The following DAB1 variants were observed in gnomAD, a reference collection of about 807,000 sequenced individuals.
DAB1 encodes the protein DAB adaptor protein 1.
In DAB1, 15 loss-of-function variants were observed where a neutral mutation model predicts 64.6. That is an observed-to-expected ratio of 0.23 (90% CI 0.16 to 0.36). DAB1 has a LOEUF of 0.36. Ranked by LOEUF, DAB1 falls within the 10% of genes least tolerant of loss-of-function variation. The pLI is 1.00. For missense variants in DAB1, 596 were observed against 706.7 expected (o/e 0.84, Z 1.78); for synonymous variants, 235 against 251.9 (o/e 0.93, Z 0.64).
chr1:58,467,915 GT>G, intron 3 of DAB1: 1 of 152,656 alleles, frequency 6.6e-6, no homozygotes, highest in Non-Finnish European at 1.5e-5. Flanking sequence ...TGTGTTTTTG[GT>G]TTTTTTGTTT....
intron 7 of DAB1, among the ~76,000 whole-genome samples, chr1:57,435,046 C>CTTTTTTTTTTTTTT (rs71580850): frequency 1.6e-3 from 146 of 93,098 alleles, no homozygotes; most frequent in Non-Finnish European, 1.9e-3. Context: ...TTCTTTTTTT[C>CTTTTTTTTTTTTTT]TTTTTTTTTT....
intron 5 of DAB1, among the ~76,000 whole-genome samples, chr1:57,972,894 T>C (rs1645832919): frequency 6.6e-6 from 1 of 152,244 alleles, no homozygotes; most frequent in South Asian, 2.1e-4. Context: ...CTAAGCTAGA[T>C]TCTGCATATT....
chr1:58,083,188 T>G (rs1458427116), intron 5 of DAB1, among the ~76,000 whole-genome samples: 1 of 152,174 alleles, frequency 6.6e-6, no homozygotes, highest in Non-Finnish European at 1.5e-5. Flanking sequence ...TTCTAATTTT[T>G]TCATTCCTTC....
At chr1:57,675,676 T>C (rs921893476) in intron 6 of DAB1, among the ~76,000 whole-genome samples, 2 of 152,378 alleles carry the variant, frequency 1.3e-5, no homozygotes, top group East Asian at 3.9e-4. Context: ...GCATAAATTA[T>C]ACATCTATTC....
chr1:57,030,275 T>G (rs543636303), intron 9 of DAB1, among the ~76,000 whole-genome samples: 1 of 152,360 alleles, frequency 6.6e-6, no homozygotes, highest in South Asian at 2.1e-4. Flanking sequence ...CAAGTGGAAC[T>G]GTGAATACAA....
chr1:57,855,847 T>C (rs1314809055), intron 1 of DAB1, among the ~76,000 whole-genome samples: 1 of 152,034 alleles, frequency 6.6e-6, no homozygotes. Context: ...CTTTGACTGC[T>C]CTGGAGAGAA....
intron 1 of DAB1, among the ~76,000 whole-genome samples, chr1:57,338,229 C>G (rs954903748): frequency 6.6e-6 from 1 of 152,080 alleles, no homozygotes; most frequent in South Asian, 2.1e-4. Flanking sequence ...AAGAGATCTG[C>G]CCACCTCACC....
intron 3 of DAB1, among the ~76,000 whole-genome samples, chr1:58,353,591 T>C (rs1334891801): frequency 6.6e-6 from 1 of 152,182 alleles, no homozygotes; most frequent in Non-Finnish European, 1.5e-5. Flanking sequence ...TCAAGGTCTT[T>C]GTAGAAAATA....
intron 3 of DAB1, among the ~76,000 whole-genome samples, chr1:58,404,573 A>G (rs1644599184): frequency 6.6e-6 from 1 of 152,082 alleles, no homozygotes; most frequent in South Asian, 2.1e-4. Flanking sequence ...TTCCCAGGAG[A>G]GTGCTTGGCC....
At chr1:57,257,232 G>C (rs540164341) in intron 2 of DAB1, among the ~76,000 whole-genome samples, 31 of 152,218 alleles carry the variant, frequency 2.0e-4, no homozygotes, top group Middle Eastern at 6.8e-3. Context: ...CCCCTACTTG[G>C]TGGCCATGGT....
intron 2 of DAB1, among the ~76,000 whole-genome samples, chr1:57,241,575 A>C (rs1254932382): frequency 6.6e-6 from 1 of 152,062 alleles, no homozygotes; most frequent in East Asian, 1.9e-4. Context: ...TTGAGTTGGC[A>C]CTCTTCAGTG....
chr1:58,476,845 A>G (rs1336533643), intron 3 of DAB1, among the ~76,000 whole-genome samples: 1 of 152,178 alleles, frequency 6.6e-6, no homozygotes, highest in Non-Finnish European at 1.5e-5. Flanking sequence ...CTCACTTCCT[A>G]TATGAGATTT....
intron 4 of DAB1, chr1:58,228,907 G>C: frequency 1.9e-6 from 1 of 522,220 alleles, no homozygotes; most frequent in East Asian, 4.6e-5. Flanking sequence ...AACAGCTGTA[G>C]TGTGTAGAAA....
chr1:57,908,842 G>A (rs752043418), intron 5 of DAB1, among the ~76,000 whole-genome samples: 25 of 152,150 alleles, frequency 1.6e-4, no homozygotes, highest in Admixed American at 1.3e-3. Flanking sequence ...GTTTAGATTC[G>A]TGAAGCCAAG....
chr1:58,180,378 G>A (rs1295155297), intron 4 of DAB1, among the ~76,000 whole-genome samples: 2 of 132,028 alleles, frequency 1.5e-5, no homozygotes, highest in South Asian at 2.5e-4. Context: ...CTGCAGCCTC[G>A]ACCTCCTGGG....
chr1:57,392,091 T>G (rs1269120411), intron 1 of DAB1, among the ~76,000 whole-genome samples: 1 of 152,084 alleles, frequency 6.6e-6, no homozygotes, highest in Non-Finnish European at 1.5e-5. Context: ...AAGCATGTAA[T>G]GGCCAGGCAC....
intron 2 of DAB1, among the ~76,000 whole-genome samples, chr1:57,232,620 A>T (rs1217308089): frequency 1.3e-5 from 2 of 152,158 alleles, no homozygotes; most frequent in Non-Finnish European, 2.9e-5. Context: ...CCCAGAAGTC[A>T]AACAGCTAGT....
At chr1:57,322,261 C>A (rs1570272839) in intron 1 of DAB1, among the ~76,000 whole-genome samples, 3 of 152,310 alleles carry the variant, frequency 2.0e-5, no homozygotes, top group Admixed American at 2.0e-4. Context: ...GATGCAGATT[C>A]CAGTGCCCAG....
At chr1:57,903,140 A>T (rs1364603254) in intron 5 of DAB1, among the ~76,000 whole-genome samples, 4 of 152,106 alleles carry the variant, frequency 2.6e-5, no homozygotes, top group Non-Finnish European at 4.4e-5. Flanking sequence ...CCATGATTCA[A>T]TTACCTCCCA....
Sources: allele counts gnomAD v4.1 joint callset (sites outside exome capture counted in the v4.1 genomes callset), GRCh38; gene constraint gnomAD v4.1.1; transcripts MANE v1.5; gene names NCBI Gene and HGNC (gene_info 2026-07-23, HGNC 2026-07-21).